EXD2: variants seen among roughly 807,000 people sequenced by gnomAD.
EXD2 encodes exonuclease 3'-5' domain containing 2, also known as exonuclease 3'-5' domain-containing protein 2.
In EXD2, 40 loss-of-function variants were observed where a neutral mutation model predicts 62.5. The observed-to-expected ratio is 0.64, with a 90% CI of 0.50 to 0.83. The LOEUF (loss-of-function observed/expected upper bound fraction) is 0.83. Among genes scored for constraint, EXD2 ranks in the 40% least tolerant of loss-of-function variants. The pLI, the probability that EXD2 is intolerant of heterozygous loss-of-function variation, is 0.00. For missense variants in EXD2, 671 were observed against 761.8 expected (o/e 0.88, Z 1.40); for synonymous variants, 239 against 291.9 (o/e 0.82, Z 1.85).
chr14:69,221,769 C>A (rs1270522013), intron 3 of EXD2, among the ~76,000 whole-genome samples: 1 of 149,584 alleles, frequency 6.7e-6, no homozygotes, highest in Non-Finnish European at 1.5e-5. Flanking sequence ...CCCTGTCTCC[C>A]CCTCCAAAAA....
intron 1 of EXD2, among the ~76,000 whole-genome samples, chr14:69,198,383 C>T (rs1219007324): frequency 6.6e-6 from 1 of 152,204 alleles, no homozygotes; most frequent in Non-Finnish European, 1.5e-5. Flanking sequence ...CTCCGCTCTG[C>T]TTTATGAGCT....
intron 1 of EXD2, among the ~76,000 whole-genome samples, chr14:69,194,739 C>G (rs980001502): frequency 2.6e-5 from 4 of 152,088 alleles, no homozygotes; most frequent in African/African-American, 9.7e-5. Context: ...ACCACAACAT[C>G]CTATATTAAA....
chr14:69,205,400 C>T (rs2042557081), intron 2 of EXD2, among the ~76,000 whole-genome samples: 1 of 152,074 alleles, frequency 6.6e-6, no homozygotes, highest in Admixed American at 6.6e-5. Flanking sequence ...TGGTGACTTC[C>T]TCAGATTTTT....
chr14:69,221,794 C>T (rs563427190), intron 3 of EXD2, among the ~76,000 whole-genome samples: 1 of 149,546 alleles, frequency 6.7e-6, no homozygotes, highest in Non-Finnish European at 1.5e-5. Context: ...TATTGGCTGG[C>T]TGGGTGAGGT....
chr14:69,205,312 A>G (rs2042552911), intron 2 of EXD2, among the ~76,000 whole-genome samples: 1 of 152,074 alleles, frequency 6.6e-6, no homozygotes, highest in South Asian at 2.1e-4. Context: ...CGGCCTCCCA[A>G]AGCGTTGAGA....
At chr14:69,240,671 C>T (rs2043951241) in intron 9 of EXD2, among the ~76,000 whole-genome samples, 1 of 152,122 alleles carries the variant, frequency 6.6e-6, no homozygotes, top group South Asian at 2.1e-4. Context: ...GCTCAGAACC[C>T]TCAAATACCT....
intron 4 of EXD2, 27 bp downstream of exon 4, chr14:69,229,099 C>T: frequency 6.2e-7 from 1 of 1,609,798 alleles, no homozygotes; most frequent in Non-Finnish European, 8.5e-7. Flanking sequence ...TGCTGGGATT[C>T]CTATAGCTGC....
intron 3 of EXD2, among the ~76,000 whole-genome samples, chr14:69,212,684 T>A (rs1402600312): frequency 2.0e-5 from 3 of 147,590 alleles, no homozygotes; most frequent in Non-Finnish European, 4.5e-5. Flanking sequence ...TGTCACTTGG[T>A]TCCAATGGTT....
chr14:69,213,125 C>G (rs905817938), intron 3 of EXD2, among the ~76,000 whole-genome samples: 1 of 148,422 alleles, frequency 6.7e-6, no homozygotes, highest in Non-Finnish European at 1.5e-5. Flanking sequence ...GCTCTTTTGC[C>G]CAGGCTGGAA....
intron 3 of EXD2, 77 bp downstream of exon 3, chr14:69,209,880 A>C: frequency 8.3e-7 from 1 of 1,206,602 alleles, no homozygotes; most frequent in Non-Finnish European, 1.1e-6. Context: ...TGGACAGTCA[A>C]GTAGAAAATA....
intron 1 of EXD2, among the ~76,000 whole-genome samples, chr14:69,195,863 C>T (rs1269303465): frequency 6.6e-6 from 1 of 152,218 alleles, no homozygotes; most frequent in African/African-American, 2.4e-5. Flanking sequence ...CTTTTTATTA[C>T]TGAATGAAAT....
chr14:69,209,636 C>G lies in EXD2; in HGVS notation c.166C>G (p.Pro56Ala). 6.4e-7 allele frequency: 1 copy of G among 1,550,496 alleles called. No individual in the cohort carries two copies. The highest frequency in any genetic ancestry group is 8.7e-7 in the Non-Finnish European group (1 of 1,146,978). ...GCTGGGCAGTAGAGAGCTGCCCCCT[C>G]CAGAAGATGATCAGCTGCACTCCAG... ...KVLGSRELPP[P>A]EDDQLHSSAP... The change falls in exon 3 of 10, where the codon CCA (proline) becomes GCA (alanine). Residue 56 changes from proline (P) to alanine (A), a missense_variant. Pro to Ala is a conservative substitution (Grantham distance 27, BLOSUM62 -1). Coordinates refer to ENST00000685843, the MANE Select transcript of EXD2 (RefSeq NM_001193360.2).
rs1408830096 is a variant in EXD2 at position 69,243,327 on chromosome 14, TTC to T, written c.*2232_*2233del. ...AAACAAAGAATAAAAATTAGCCATC[TTC>T]TCTCCATCTAAAACAGAGCTAAACT... On this transcript the variant is annotated 3_prime_UTR_variant, in exon 10 of 10. Transcript: ENST00000685843. 1.3e-5 allele frequency: 2 copies of T among 152,246 alleles called. No homozygotes were observed. Among genetic ancestry groups the T allele is most frequent in the African/African-American group, 4.8e-5 (2 of 41,466 alleles). 9.4% of individuals were successfully genotyped at this position (152,246 alleles called of 1,614,324 possible).
At chr14:69,211,786 C>T (rs930885037) in intron 3 of EXD2, among the ~76,000 whole-genome samples, 4 of 152,058 alleles carry the variant, frequency 2.6e-5, no homozygotes, top group Admixed American at 6.6e-5. Context: ...TGGATTATTC[C>T]AACTAAACGA....
intron 1 of EXD2, among the ~76,000 whole-genome samples, chr14:69,194,467 G>C (rs896614268): frequency 6.6e-6 from 1 of 151,772 alleles, no homozygotes; most frequent in Non-Finnish European, 1.5e-5. Context: ...CCATTAATCC[G>C]AAATGCCACA....
intron 1 of EXD2, among the ~76,000 whole-genome samples, chr14:69,203,500 C>T (rs539525569): frequency 6.6e-6 from 1 of 152,298 alleles, no homozygotes; most frequent in African/African-American, 2.4e-5. Context: ...TAAGGGGAGT[C>T]TCAGAGCTCT....
Position 69,207,233 on chromosome 14 carries a change from C to A in EXD2, c.-47-2191C>A, listed in dbSNP as rs118140809. Among the ~76,000 whole-genome samples, 709 of 152,092 alleles carry A rather than the reference C, an allele frequency of 4.7e-3. 17 individuals are homozygous for A. The highest frequency in any genetic ancestry group is 0.044 in the East Asian group (225 of 5,166). ...TTTTGGCCCAGTGCAGTGGCTCACA[C>A]CTGTAATCACAGCATTTTGGGAGGC... On this transcript the variant is annotated intron_variant, in intron 2 of 9. Transcript: ENST00000685843.
chr14:69,235,146 C>A (rs4243633), intron 6 of EXD2, 115 bp downstream of exon 6: 576,547 of 870,634 alleles, frequency 0.66, 196,216 homozygotes, highest in East Asian at 0.96. Context: ...GCAGCTCTCC[C>A]GGGGTTAATC....
chr14:69,196,977 G>A (rs1319933974), intron 1 of EXD2, among the ~76,000 whole-genome samples: 2 of 152,076 alleles, frequency 1.3e-5, no homozygotes, highest in Non-Finnish European at 2.9e-5. Context: ...TCTGATTGTG[G>A]TTTGGATTTG....
Sources: gnomAD v4.1 joint callset for allele counts (sites outside exome capture counted in the v4.1 genomes callset) on GRCh38, gnomAD v4.1.1 for gene constraint, MANE v1.5 for transcripts, NCBI Gene and HGNC (gene_info 2026-07-23, HGNC 2026-07-21) for gene names.